The following CEP128 variants were observed in gnomAD, a reference collection of about 807,000 sequenced individuals.
The protein encoded by CEP128 is centrosomal protein 128, also known as centrosomal protein 128kDa.
A neutral mutation model predicts 156.7 loss-of-function variants in CEP128; 132 were observed. That is an observed-to-expected ratio of 0.84 (90% CI 0.73 to 0.97). The LOEUF (loss-of-function observed/expected upper bound fraction) is 0.97, where lower values mean the gene tolerates loss of function less well. Among genes scored for constraint, CEP128 ranks in the 50% least tolerant of loss-of-function variants. CEP128 has a pLI of 0.00. For synonymous variants in CEP128, 469 were observed against 448.9 expected, an observed-to-expected ratio of 1.04 and a Z score of -0.57; for missense variants, 1,252 against 1,281.9, an observed-to-expected ratio of 0.98 and a Z score of 0.36.
At chr14:80,834,937 T>C (rs1595474504) in intron 12 of CEP128, among the ~76,000 whole-genome samples, 1 of 152,214 alleles carries the variant, frequency 6.6e-6, no homozygotes. Context: ...ATCCCCACTA[T>C]GGCTGTTAGG....
At chr14:80,520,417 T>TA (rs1386111212) in intron 23 of CEP128, among the ~76,000 whole-genome samples, 3 of 106,706 alleles carry the variant, frequency 2.8e-5, no homozygotes, top group Non-Finnish European at 6.3e-5. Context: ...AGATTCCATC[T>TA]AAAAAAACAA....
At chr14:80,953,395 C>T (rs980615124) in intron 2 of CEP128, among the ~76,000 whole-genome samples, 17 of 152,000 alleles carry the variant, frequency 1.1e-4, no homozygotes, top group South Asian at 2.1e-4. Flanking sequence ...ACCAGCCTGG[C>T]CAACATGGTG....
At chr14:80,796,365 C>T (rs1883477111) in intron 13 of CEP128, among the ~76,000 whole-genome samples, 1 of 151,828 alleles carries the variant, frequency 6.6e-6, no homozygotes, top group Non-Finnish European at 1.5e-5. Context: ...GAGGCTGAGG[C>T]ATAAGAACAG....
chr14:80,751,227 G>C (rs539469158), intron 18 of CEP128, among the ~76,000 whole-genome samples: 1 of 152,112 alleles, frequency 6.6e-6, no homozygotes, highest in Non-Finnish European at 1.5e-5. Flanking sequence ...CTATTCTTAC[G>C]AAGACTTTAT....
intron 19 of CEP128, among the ~76,000 whole-genome samples, chr14:80,684,213 G>T (rs561759088): frequency 1.9e-4 from 29 of 151,876 alleles, no homozygotes; most frequent in African/African-American, 6.3e-4. Context: ...TAACAAAGGG[G>T]AAAAAAATAG....
At chr14:80,864,063 C>T (rs545262237) in intron 8 of CEP128, among the ~76,000 whole-genome samples, 13 of 152,240 alleles carry the variant, frequency 8.5e-5, no homozygotes, top group South Asian at 4.1e-4. Context: ...AACTTGAAGG[C>T]GGAAGACCTT....
intron 2 of CEP128, among the ~76,000 whole-genome samples, chr14:80,933,748 T>G (rs1885623827): frequency 6.6e-6 from 1 of 152,122 alleles, no homozygotes. Context: ...AAAGTATCCT[T>G]TGGAAGTGCT....
rs142324397 is a variant in CEP128 at position 80,843,786 on chromosome 14, T to C, written c.763-3018A>G. Among the ~76,000 whole-genome samples the C allele has an allele frequency of 3.9e-4, 60 of 152,156 alleles. No individual in the cohort carries two copies. In the East Asian group the frequency reaches 0.011, roughly 27 times the overall value. On this transcript the variant is annotated intron_variant, in intron 9 of 24. Coordinates refer to ENST00000555265, the MANE Select transcript of CEP128 (RefSeq NM_152446.5). ...CATTTTCAATCAAGCAAAAACTCAA[T>C]ATTAAGTACTGAGTATGTATAAAAC...
chr14:80,801,666 T>C (rs1432048960), intron 13 of CEP128, among the ~76,000 whole-genome samples: 1 of 151,932 alleles, frequency 6.6e-6, no homozygotes. Flanking sequence ...TCCAGGACTT[T>C]AGGAGGTCGA....
At chr14:80,780,314 C>T (rs1169843098) in intron 15 of CEP128, among the ~76,000 whole-genome samples, 3 of 152,050 alleles carry the variant, frequency 2.0e-5, no homozygotes, top group Non-Finnish European at 4.4e-5. Context: ...CTGTGATGGC[C>T]TTTGCTCTCA....
At position 80,569,471 on chromosome 14, in the gene CEP128, G is replaced by A. The variant is rs1002617274; in HGVS notation, c.2857-10169C>T. On this transcript the variant is annotated intron_variant, in intron 20 of 24. Transcript: ENST00000555265. ...TAGCCTCACCTGGGCAGTTTTCGCC[G>A]GTAATGACAGCTACTCACAACCTTA... Among the ~76,000 whole-genome samples the A allele has an allele frequency of 3.3e-5, 5 of 152,192 alleles. No homozygotes were observed. The Middle Eastern group carries it at 0.01, about 311-fold the overall frequency.
intron 19 of CEP128, among the ~76,000 whole-genome samples, chr14:80,739,563 A>T (rs1898700278): frequency 6.6e-6 from 1 of 152,186 alleles, no homozygotes. Flanking sequence ...TAGTACATAC[A>T]GAATCATACT....
intron 19 of CEP128, among the ~76,000 whole-genome samples, chr14:80,605,081 C>T (rs530466484): frequency 1.3e-5 from 2 of 152,152 alleles, no homozygotes; most frequent in South Asian, 2.1e-4. Context: ...TATTAGTTAG[C>T]TAAGTAGATT....
At chr14:80,928,985 G>A (rs1337514697) in intron 2 of CEP128, among the ~76,000 whole-genome samples, 7 of 151,438 alleles carry the variant, frequency 4.6e-5, no homozygotes, top group Non-Finnish European at 5.9e-5. Context: ...ATCCAACAAA[G>A]GGCTAATATC....
intron 19 of CEP128, among the ~76,000 whole-genome samples, chr14:80,701,820 C>G (rs545513567): frequency 6.6e-6 from 1 of 152,144 alleles, no homozygotes; most frequent in Admixed American, 6.6e-5. Context: ...CTTGGCTCAC[C>G]CTGTTCCAGC....
chr14:80,929,681 T>C (rs1885345617), intron 2 of CEP128, among the ~76,000 whole-genome samples: 1 of 151,904 alleles, frequency 6.6e-6, no homozygotes, highest in Non-Finnish European at 1.5e-5. Flanking sequence ...CACAAAGACA[T>C]ACAGAGTGGT....
intron 12 of CEP128, among the ~76,000 whole-genome samples, chr14:80,832,034 T>C (rs1448235482): frequency 6.6e-6 from 1 of 152,202 alleles, no homozygotes; most frequent in Non-Finnish European, 1.5e-5. Context: ...CTTTCCATGC[T>C]GTTCTCATGA....
At chr14:80,916,866 A>G (rs1303514279) in intron 2 of CEP128, among the ~76,000 whole-genome samples, 1 of 152,208 alleles carries the variant, frequency 6.6e-6, no homozygotes, top group African/African-American at 2.4e-5. Flanking sequence ...GTATTGTCAC[A>G]TTTAGTACCT....
At chr14:80,674,579 A>G (rs1344174635) in intron 19 of CEP128, among the ~76,000 whole-genome samples, 5 of 152,148 alleles carry the variant, frequency 3.3e-5, no homozygotes, top group African/African-American at 9.6e-5. Flanking sequence ...TAAGTTTTAG[A>G]AAACCTCTCT....
Sources: allele counts gnomAD v4.1 joint callset (sites outside exome capture counted in the v4.1 genomes callset), GRCh38; gene constraint gnomAD v4.1.1; transcripts MANE v1.5; gene names NCBI Gene and HGNC (gene_info 2026-07-23, HGNC 2026-07-21).